The following CIAPIN1 variants were observed in gnomAD, a reference collection of about 807,000 sequenced individuals.
CIAPIN1 encodes the protein cytokine induced apoptosis inhibitor 1.
A neutral mutation model predicts 34.3 loss-of-function variants in CIAPIN1; 18 were observed. That is an observed-to-expected ratio of 0.52 (90% CI 0.36 to 0.78). The LOEUF is 0.78. CIAPIN1 is among the 30% of genes least tolerant of loss of function. The pLI, the probability that CIAPIN1 is intolerant of heterozygous loss-of-function variation, is 0.00. For synonymous variants in CIAPIN1, 131 were observed against 140.4 expected, an observed-to-expected ratio of 0.93 and a Z score of 0.47; for missense variants, 310 against 372.5, an observed-to-expected ratio of 0.83 and a Z score of 1.38.
At position 57,429,290 on chromosome 16, in the gene CIAPIN1, G is replaced by C. The variant is rs368410108; in HGVS notation, c.829-10C>G. ...CATCGCCCAGGTAGCACTGGAGAGA[G>C]AGAATGGGGAAGCCAAGGGTCAGCT... On this transcript the variant is annotated splice_polypyrimidine_tract_variant and intron_variant, in intron 8 of 8. Coordinates refer to ENST00000394391, the MANE Select transcript of CIAPIN1 (RefSeq NM_020313.4). The C allele has an allele frequency of 9.0e-5, 144 of 1,592,394 alleles. No homozygotes were observed. Among genetic ancestry groups the C allele is most frequent in the Non-Finnish European group, 1.2e-4 (140 of 1,160,370 alleles).
At position 57,430,114 on chromosome 16, in the gene CIAPIN1, C is replaced by T. The variant is rs547835098; in HGVS notation, c.828+144G>A. ...CTCTCACTCTCAGGAGACAGCCTCT[C>T]TCCCCATTACTACCTACGTTCGTGT... On this transcript the variant is annotated intron_variant, in intron 8 of 8. Transcript: ENST00000394391. 1.3e-5 allele frequency: 9 copies of T among 684,078 alleles called. No individual in the cohort carries two copies. In the East Asian group the frequency reaches 2.1e-4, roughly 16 times the overall value. 42.4% of individuals were successfully genotyped at this position (684,078 alleles called of 1,614,324 possible).
At chr16:57,442,449 C>T (rs2029889071) in intron 1 of CIAPIN1, among the ~76,000 whole-genome samples, 1 of 152,064 alleles carries the variant, frequency 6.6e-6, no homozygotes, top group African/African-American at 2.4e-5. Context: ...TCCCTTGAGT[C>T]CAGGAGTTCA....
intron 4 of CIAPIN1, among the ~76,000 whole-genome samples, chr16:57,436,119 C>T (rs532062025): frequency 6.6e-6 from 1 of 152,356 alleles, no homozygotes; most frequent in South Asian, 2.1e-4. Flanking sequence ...TCATGCCCCT[C>T]AGCTGTCACC....
intron 1 of CIAPIN1, among the ~76,000 whole-genome samples, chr16:57,444,982 C>T (rs1185610086): frequency 6.6e-6 from 1 of 152,188 alleles, no homozygotes; most frequent in African/African-American, 2.4e-5. Context: ...GTGCATGGCC[C>T]TTCTAAAATG....
At chr16:57,443,127 G>A (rs2029912509) in intron 1 of CIAPIN1, among the ~76,000 whole-genome samples, 1 of 146,846 alleles carries the variant, frequency 6.8e-6, no homozygotes. Flanking sequence ...CAATAATTCT[G>A]GTTTTGTTTT....
At chr16:57,438,822 C>T (rs144157069) in intron 3 of CIAPIN1, among the ~76,000 whole-genome samples, 24 of 152,294 alleles carry the variant, frequency 1.6e-4, no homozygotes, top group African/African-American at 5.3e-4. Context: ...TTGAGATTGG[C>T]TTTTTTCACT....
chr16:57,435,478 G>A (rs774609315), intron 4 of CIAPIN1, among the ~76,000 whole-genome samples: 11 of 152,124 alleles, frequency 7.2e-5, no homozygotes, highest in African/African-American at 2.4e-4. Flanking sequence ...AATAAGAAAG[G>A]GTTGGCATAA....
chr16:57,442,898 C>T (rs1209388056), intron 1 of CIAPIN1, among the ~76,000 whole-genome samples: 8 of 152,058 alleles, frequency 5.3e-5, no homozygotes. Flanking sequence ...CCCACCATTC[C>T]AAAGTGATCC....
chr16:57,437,793 C>T (rs577391056), intron 3 of CIAPIN1, among the ~76,000 whole-genome samples: 2 of 152,178 alleles, frequency 1.3e-5, no homozygotes, highest in Non-Finnish European at 2.9e-5. Context: ...CTCAAACTGC[C>T]GGGATTACAG....
intron 1 of CIAPIN1, among the ~76,000 whole-genome samples, chr16:57,445,215 T>C (rs985049101): frequency 6.6e-6 from 1 of 152,092 alleles, no homozygotes; most frequent in Admixed American, 6.6e-5. Flanking sequence ...CTAATTAAAA[T>C]TAACTAACTG....
At chr16:57,439,865 T>C (rs1445782880) in intron 2 of CIAPIN1, among the ~76,000 whole-genome samples, 1 of 152,178 alleles carries the variant, frequency 6.6e-6, no homozygotes, top group Admixed American at 6.5e-5. Flanking sequence ...ACTGCACAAA[T>C]TGTTCATAAA....
chr16:57,429,906 C>T (rs1346395440), intron 8 of CIAPIN1, among the ~76,000 whole-genome samples: 3 of 152,056 alleles, frequency 2.0e-5, no homozygotes, highest in African/African-American at 7.2e-5. Context: ...CAGCCTCTGG[C>T]ATAGCTGGAA....
rs1903013843 is a variant in CIAPIN1 at position 57,428,889 on chromosome 16, A to C, written c.*281T>G. 3.0e-6 allele frequency: 1 copy of C among 335,320 alleles called. No homozygotes were observed. The highest frequency in any genetic ancestry group is 4.4e-5 in the South Asian group (1 of 22,578). The allele number at this position is 335,320 out of a possible 1,614,324, so 20.8% of individuals were successfully genotyped here. On this transcript the variant is annotated 3_prime_UTR_variant, in exon 9 of 9. Transcript: ENST00000394391. ...GCGTTCTGGTCAGCATTTTAACATC[A>C]GAAGAAGGGCTTCTTCAGGACACAC...
At chr16:57,429,565 C>T (rs1903034064) in intron 8 of CIAPIN1, among the ~76,000 whole-genome samples, 1 of 151,712 alleles carries the variant, frequency 6.6e-6, no homozygotes, top group Admixed American at 6.6e-5. Flanking sequence ...GATCTCAGCT[C>T]ACTGCAAGCT....
intron 3 of CIAPIN1, among the ~76,000 whole-genome samples, chr16:57,437,022 G>A (rs1003338204): frequency 2.0e-5 from 3 of 152,118 alleles, no homozygotes; most frequent in Non-Finnish European, 4.4e-5. Flanking sequence ...ACCTACTTGG[G>A]AAGCTAAGGC....
chr16:57,435,676 C>T (rs1352759983), intron 4 of CIAPIN1, among the ~76,000 whole-genome samples: 1 of 152,150 alleles, frequency 6.6e-6, no homozygotes, highest in African/African-American at 2.4e-5. Flanking sequence ...CGCCTGTAAT[C>T]CCAGCTACTC....
At chr16:57,438,987 CATA>C (rs1903265375) in intron 3 of CIAPIN1, among the ~76,000 whole-genome samples, 192 bp downstream of exon 3, 1 of 152,186 alleles carries the variant, frequency 6.6e-6, no homozygotes. Flanking sequence ...TATTTTATTA[CATA>C]ATGAGTCAGC....
In CIAPIN1 at chr16:57,428,462, A is replaced by G. The variant is rs148252667; in HGVS notation, c.*708T>C. 1 of 152,368 alleles carries G rather than the reference A, an allele frequency of 6.6e-6. No homozygotes were observed. The highest frequency in any genetic ancestry group is 2.4e-5 in the African/African-American group (1 of 41,586). 9.4% of individuals were successfully genotyped at this position (152,368 alleles called of 1,614,324 possible). A position where few individuals can be genotyped will look rare whatever the true frequency, so the allele number is the denominator to read the frequency against. On this transcript the variant is annotated 3_prime_UTR_variant, in exon 9 of 9. Transcript: ENST00000394391. ...TTGTGCGTGACACTAAGTTCCTCCA[A>G]TGGTCCAAACTGAGCGTGGATGACT...
intron 2 of CIAPIN1, among the ~76,000 whole-genome samples, chr16:57,440,528 TC>T (rs1903306037): frequency 1.3e-5 from 2 of 152,106 alleles, no homozygotes; most frequent in African/African-American, 4.8e-5. Context: ...AAAATTTCTC[TC>T]TTTTGTACTC....
Sources: allele counts gnomAD v4.1 joint callset (sites outside exome capture counted in the v4.1 genomes callset), GRCh38; gene constraint gnomAD v4.1.1; transcripts MANE v1.5; gene names NCBI Gene and HGNC (gene_info 2026-07-23, HGNC 2026-07-21).